CYP2S1: variants seen among roughly 807,000 people sequenced by gnomAD.
The protein encoded by CYP2S1 is cytochrome P450 family 2 subfamily S member 1.
In CYP2S1, 32 loss-of-function variants were observed where a neutral mutation model predicts 43.5. The ratio of observed to expected loss-of-function variants is 0.74; its 90% CI spans 0.56 to 0.99. The LOEUF (loss-of-function observed/expected upper bound fraction) is 0.99, where lower values mean the gene tolerates loss of function less well. Ranked by LOEUF, CYP2S1 falls within the 50% of genes least tolerant of loss-of-function variation. The pLI is 0.00. For missense variants in CYP2S1, 575 were observed against 673.9 expected, an observed-to-expected ratio of 0.85 and a Z score of 1.62; for synonymous variants, 283 against 302.9, an observed-to-expected ratio of 0.93 and a Z score of 0.68.
chr19:41,206,362 G>A lies in CYP2S1; in HGVS notation c.1389G>A (p.Leu463=), dbSNP rs2033578449. ...CCACCATCCTACAAGCCTTCTCCCT[G>A]GAGAGCCCGTGCCCGCCGGACACCC... ...FFTTILQAFS[L]ESPCPPDTLS... The change falls in exon 9 of 9, where the codon CTG becomes CTA. Residue 463 remains leucine (L), a synonymous_variant. Transcript: ENST00000310054. The A allele has an allele frequency of 1.9e-6, 3 of 1,614,100 alleles. No individual in the cohort carries two copies. The highest frequency in any genetic ancestry group is 2.5e-6 in the Non-Finnish European group (3 of 1,180,024).
At chr19:41,205,351 T>TC (rs1491240306) in intron 7 of CYP2S1, among the ~76,000 whole-genome samples, 1 of 106,982 alleles carries the variant, frequency 9.3e-6, no homozygotes, top group African/African-American at 7.1e-5. Flanking sequence ...TTTTTCTTTC[T>TC]TTCTTTCTTT....
chr19:41,198,623 G>A lies in CYP2S1; in HGVS notation c.654+1G>A. Reference sequence around the variant, plus strand: ...GGGAGTCAGCTCCCAGGGGGGTCAGGTGAGTGGGTGGGACCCCTCTCCAAC... The same window carrying A: ...GGGAGTCAGCTCCCAGGGGGGTCAGATGAGTGGGTGGGACCCCTCTCCAAC... On this transcript the variant is annotated splice_donor_variant, in intron 4 of 8. Transcript: ENST00000310054. LOFTEE classifies it high-confidence loss of function. The surrounding 1 kb of genome is among the most constrained non-coding windows in gnomAD (Gnocchi z 4.9). The A allele has an allele frequency of 6.2e-7, 1 of 1,614,052 alleles. No homozygotes were observed.
intron 2 of CYP2S1, among the ~76,000 whole-genome samples, chr19:41,197,418 C>T (rs1249434867): frequency 6.6e-6 from 1 of 151,936 alleles, no homozygotes; most frequent in Non-Finnish European, 1.5e-5. Flanking sequence ...AAGGAGGAAT[C>T]GGCCGGGCGC....
In CYP2S1 at chr19:41,201,374, T is replaced by G. The variant is rs772237721; in HGVS notation, c.976+2T>G. 4.4e-5 allele frequency: 71 copies of G among 1,613,222 alleles called. No homozygotes were observed. Among genetic ancestry groups the G allele is most frequent in the Non-Finnish European group, 5.6e-5 (66 of 1,179,658 alleles). On this transcript the variant is annotated splice_donor_variant, in intron 6 of 8. Coordinates refer to ENST00000310054, the MANE Select transcript of CYP2S1 (RefSeq NM_030622.8). LOFTEE classifies it high-confidence loss of function. ...TGATGAAATACCCTCATGTCCAAAGTAAGAGCCTTTTCCACTTGCCAGGCC... is the reference window on the plus strand; with the variant it reads ...TGATGAAATACCCTCATGTCCAAAGGAAGAGCCTTTTCCACTTGCCAGGCC...
At chr19:41,205,878 C>T (rs929685673) in intron 7 of CYP2S1, 80 bp from the exon 8 acceptor site, 72 of 1,538,530 alleles carry the variant, frequency 4.7e-5, no homozygotes, top group South Asian at 3.3e-4. Flanking sequence ...CCCTGGCACC[C>T]GAGACTTGTA....
chr19:41,193,307 C>T lies in CYP2S1; in HGVS notation c.43C>T (p.Leu15=). The change falls in exon 1 of 9, where the codon CTG becomes TTG. Residue 15 remains leucine (L), a synonymous_variant. Coordinates refer to ENST00000310054, the MANE Select transcript of CYP2S1 (RefSeq NM_030622.8). ...GTWALLLALA[L]LLLLTLALSG... is the part of the protein sequence containing the mutation. ...CTGGGCGCTGCTGCTGGCGCTGGCG[C>T]TGCTCCTGCTGCTGACGCTGGCGCT... 1 of 1,541,672 alleles carries T rather than the reference C, an allele frequency of 6.5e-7. No homozygotes were observed. The highest frequency in any genetic ancestry group is 1.4e-5 in the African/African-American group (1 of 72,226).
intron 2 of CYP2S1, among the ~76,000 whole-genome samples, chr19:41,195,517 G>A (rs2033400268): frequency 6.6e-6 from 1 of 152,004 alleles, no homozygotes; most frequent in South Asian, 2.1e-4. Flanking sequence ...GGTCAGGGTG[G>A]GATGGGGAGG....
Position 41,193,269 on chromosome 19 carries a change from A to T in CYP2S1, c.5A>T (p.Glu2Val). The T allele has an allele frequency of 6.5e-7, 1 of 1,539,520 alleles. No individual in the cohort carries two copies. The highest frequency in any genetic ancestry group is 8.7e-7 in the Non-Finnish European group (1 of 1,145,908). The change falls in exon 1 of 9, where the codon GAG becomes GTG. Residue 2 changes from glutamate (E) to valine (V), a missense_variant. Glu to Val is a moderately radical substitution (Grantham distance 121). This residue lies in a region of CYP2S1 where 353 missense variants were observed against 367.6 expected (regional missense o/e 0.96). Transcript: ENST00000310054. Reference sequence around the variant, plus strand: ...AGAAGGAGCCGACCTGCCGAGATGGAGGCGACCGGCACCTGGGCGCTGCTG... The same window carrying T: ...AGAAGGAGCCGACCTGCCGAGATGGTGGCGACCGGCACCTGGGCGCTGCTG... The part of the protein sequence containing the change: M[E>V]ATGTWALLLA...
At position 41,206,002 on chromosome 19, in the gene CYP2S1, CAA is replaced by C. The variant is rs1182814214; in HGVS notation, c.1210_1211del (p.Asn404HisfsTer24). On this transcript the variant is annotated frameshift_variant, in exon 8 of 9. Transcript: ENST00000310054. LOFTEE classifies it high-confidence loss of function. ...TCCTTGGCTCCATCCTGCATGACCC[CAA>C]CATCTTCAAGCACCCAGAAGAGTTC... ...PLLGSILHDP[N>X]IFKHPEEFNP... 1 of 1,614,096 alleles carries C rather than the reference CAA, an allele frequency of 6.2e-7. No homozygotes were observed. Among genetic ancestry groups the C allele is most frequent in the South Asian group, 1.1e-5 (1 of 91,082 alleles).
In CYP2S1 at chr19:41,198,284, C is replaced by T. The variant is rs2033440490; in HGVS notation, c.494-178C>T. On this transcript the variant is annotated intron_variant, in intron 3 of 8. Transcript: ENST00000310054. The surrounding 1 kb of genome is among the most constrained non-coding windows in gnomAD (Gnocchi z 4.9). ...GTGATGGTCACTCTGTTTCTTTCTC[C>T]CTGTCTGTTTCTCTGTCCCTATCTG... Among the ~76,000 whole-genome samples the T allele has an allele frequency of 6.6e-6, 1 of 151,834 alleles. No individual in the cohort carries two copies. The highest frequency in any genetic ancestry group is 2.4e-5 in the African/African-American group (1 of 41,312).
chr19:41,197,735 G>C, intron 2 of CYP2S1, 44 bp from the exon 3 acceptor site: 1 of 1,603,194 alleles, frequency 6.2e-7, no homozygotes, highest in African/African-American at 1.3e-5. Flanking sequence ...AGGGGGAATG[G>C]GGGAGAGGGG....
rs1273358188 is a variant in CYP2S1 at position 41,198,679 on chromosome 19, C to A, written c.655-30C>A. ...TCCCTGAAGGTTCCTGCCAAGGTCC[C>A]ATGAGAACTAGCTGCCCTTCTCCCC... On this transcript the variant is annotated intron_variant, in intron 4 of 8. Transcript: ENST00000310054. This position sits in a 1 kb window ranked among gnomAD's most constrained non-coding sequence, Gnocchi z 4.9. 3 of 1,613,532 alleles carry A rather than the reference C, an allele frequency of 1.9e-6. No homozygotes were observed. The highest frequency in any genetic ancestry group is 2.5e-6 in the Non-Finnish European group (3 of 1,179,684).
At chr19:41,201,471 T>G in intron 6 of CYP2S1, 99 bp downstream of exon 6, 1 of 1,478,292 alleles carries the variant, frequency 6.8e-7, no homozygotes, top group Non-Finnish European at 9.0e-7. Flanking sequence ...TTTGGGAGGC[T>G]GAGGCGGGCT....
Position 41,206,932 on chromosome 19 carries a change from C to T in CYP2S1, c.*444C>T, listed in dbSNP as rs1174034117. On this transcript the variant is annotated 3_prime_UTR_variant, in exon 9 of 9. Coordinates refer to ENST00000310054, the MANE Select transcript of CYP2S1 (RefSeq NM_030622.8). ...TGTCCCTGGTGCCTGGCACAGGGAA[C>T]AGCATGCCCCCTCCGGGGTCATGCC... is the stretch of plus-strand genomic sequence containing the variant. The T allele has an allele frequency of 1.5e-5, 6 of 391,158 alleles. No individual in the cohort carries two copies. The highest frequency in any genetic ancestry group is 1.0e-4 in the African/African-American group (5 of 48,294). The allele number at this position is 391,158 out of a possible 1,614,324, so 24.2% of individuals were successfully genotyped here. A position where few individuals can be genotyped will look rare whatever the true frequency, so the allele number is the denominator to read the frequency against.
chr19:41,197,928 G>A lies in CYP2S1; in HGVS notation c.493G>A (p.Gly165Arg), dbSNP rs1206979586. ...CLVETFQGTE[G>R]RPFDPSLLLA... ...GGTGGAGACATTCCAGGGGACAGAA[G>A]GTCAGCATGGCGGGGTCACCCCAGG... Residue 165 changes from glycine (G) to arginine (R), a missense_variant and splice_region_variant, in exon 3 of 9, where the codon GGA becomes AGA. By Grantham distance (125) the Gly-to-Arg change is moderately radical. Transcript: ENST00000310054. 1.2e-6 allele frequency: 2 copies of A among 1,610,600 alleles called. No homozygotes were observed. The highest frequency in any genetic ancestry group is 1.1e-5 in the South Asian group (1 of 90,628).
At chr19:41,201,993 T>C (rs1429988908) in intron 6 of CYP2S1, among the ~76,000 whole-genome samples, 2 of 152,048 alleles carry the variant, frequency 1.3e-5, no homozygotes, top group Non-Finnish European at 2.9e-5. Context: ...TTATTTTTTT[T>C]ACTTTTTGTG....
In CYP2S1 at chr19:41,198,638, C is replaced by A; in HGVS notation, c.654+16C>A. The A allele has an allele frequency of 6.2e-7, 1 of 1,613,838 alleles. No individual in the cohort carries two copies. Among genetic ancestry groups the A allele is most frequent in the East Asian group, 2.2e-5 (1 of 44,870 alleles). On this transcript the variant is annotated intron_variant, in intron 4 of 8. Transcript: ENST00000310054. This position sits in a 1 kb window ranked among gnomAD's most constrained non-coding sequence, Gnocchi z 4.9. The stretch of plus-strand genomic sequence containing the variant: ...GGGGGGTCAGGTGAGTGGGTGGGAC[C>A]CCTCTCCAACTACCTTCCCTGAAGG...
intron 6 of CYP2S1, among the ~76,000 whole-genome samples, chr19:41,202,688 A>T (rs914470117): frequency 1.3e-5 from 2 of 151,596 alleles, no homozygotes; most frequent in Non-Finnish European, 2.9e-5. Flanking sequence ...TACTCAGGAG[A>T]CTGAGGTGGA....
At position 41,196,498 on chromosome 19, in the gene CYP2S1, G is replaced by A. The variant is rs536484565; in HGVS notation, c.344-1281G>A. Among the ~76,000 whole-genome samples, 24 of 152,268 alleles carry A rather than the reference G, an allele frequency of 1.6e-4. No individual in the cohort carries two copies. The South Asian group carries it at 3.5e-3, about 22-fold the overall frequency. Reference sequence around the variant, plus strand: ...CCCAGGGTGATAGGGAGGATCCAGGGTGATGGGGAGGCTGGGAGGTCCGCG... The same window carrying A: ...CCCAGGGTGATAGGGAGGATCCAGGATGATGGGGAGGCTGGGAGGTCCGCG... On this transcript the variant is annotated intron_variant, in intron 2 of 8. Transcript: ENST00000310054.
Sources: gnomAD v4.1 joint callset for allele counts (sites outside exome capture counted in the v4.1 genomes callset) on GRCh38, gnomAD v4.1.1 for gene constraint, gnomAD v4.1.1 regional missense constraint, Gnocchi (gnomAD v3.1) non-coding constraint, MANE v1.5 for transcripts, NCBI Gene and HGNC (gene_info 2026-07-23, HGNC 2026-07-21) for gene names.